Variants in FOXN3 observed in about 807,000 individuals in gnomAD.
FOXN3 encodes forkhead box protein N3.
FOXN3 carries 7 observed loss-of-function variants against 38.4 expected under a neutral mutation model. The observed-to-expected ratio is 0.18, with a 90% confidence interval of 0.10 to 0.34. The LOEUF is 0.34. FOXN3 is among the 10% of genes least tolerant of loss of function. The pLI is 1.00. For missense variants in FOXN3, 456 were observed against 613.4 expected, an observed-to-expected ratio of 0.74 and a Z score of 2.71; for synonymous variants, 230 against 242.2, an observed-to-expected ratio of 0.95 and a Z score of 0.47.
At chr14:89,404,504 C>CAAAAAAAA (rs71130075) in intron 2 of FOXN3, among the ~76,000 whole-genome samples, 6 of 61,034 alleles carry the variant, frequency 9.8e-5, no homozygotes, top group Non-Finnish European at 1.2e-4. Context: ...GACTCTGTCT[C>CAAAAAAAA]AAAAAAAAAA....
chr14:89,493,331 G>T (rs1893619281), intron 1 of FOXN3, among the ~76,000 whole-genome samples: 1 of 152,168 alleles, frequency 6.6e-6, no homozygotes, highest in African/African-American at 2.4e-5. Context: ...CGTGCACATT[G>T]AAATCCATTA....
chr14:89,514,018 C>T (rs755075150), intron 1 of FOXN3, among the ~76,000 whole-genome samples: 1 of 152,118 alleles, frequency 6.6e-6, no homozygotes, highest in Non-Finnish European at 1.5e-5. Flanking sequence ...GAAGAGACAT[C>T]GCTGTCTTTG....
chr14:89,193,674 T>C (rs1888024044), intron 4 of FOXN3, among the ~76,000 whole-genome samples: 1 of 152,364 alleles, frequency 6.6e-6, no homozygotes, highest in Non-Finnish European at 1.5e-5. Context: ...GTTTGGGATA[T>C]GATAAAAAAG....
intron 3 of FOXN3, chr14:89,291,376 A>G (rs149666009): frequency 2.7e-5 from 16 of 593,736 alleles, no homozygotes; most frequent in African/African-American, 2.4e-4. Flanking sequence ...TTTCTGCATA[A>G]GTCTCCATGT....
intron 1 of FOXN3, among the ~76,000 whole-genome samples, chr14:89,489,309 G>C (rs186299958): frequency 6.6e-6 from 1 of 152,190 alleles, no homozygotes; most frequent in Non-Finnish European, 1.5e-5. Context: ...ATACTATATA[G>C]AGGTATAGAA....
intron 1 of FOXN3, among the ~76,000 whole-genome samples, chr14:89,480,471 C>T (rs992822123): frequency 2.6e-5 from 4 of 152,108 alleles, no homozygotes; most frequent in Admixed American, 2.6e-4. Context: ...GACTTTTACA[C>T]CCTATAACCT....
intron 1 of FOXN3, among the ~76,000 whole-genome samples, chr14:89,489,100 C>T (rs1197642821): frequency 6.6e-6 from 1 of 152,078 alleles, no homozygotes; most frequent in Non-Finnish European, 1.5e-5. Context: ...TGAAATGAAG[C>T]CGGATTCAGA....
intron 4 of FOXN3, among the ~76,000 whole-genome samples, chr14:89,227,442 G>A (rs935478614): frequency 1.3e-5 from 2 of 152,150 alleles, no homozygotes; most frequent in Admixed American, 6.5e-5. Context: ...GACAAAATAA[G>A]ACTGATCAAT....
chr14:89,556,579 GGAGA>G (rs990953808), intron 1 of FOXN3, among the ~76,000 whole-genome samples: 2 of 152,028 alleles, frequency 1.3e-5, no homozygotes, highest in Non-Finnish European at 2.9e-5. Flanking sequence ...GAATGATGTG[GGAGA>G]GAGAATGAAT....
chr14:89,541,822 C>T (rs76827730), intron 1 of FOXN3, among the ~76,000 whole-genome samples: 505 of 152,238 alleles, frequency 3.3e-3, no homozygotes, highest in Non-Finnish European at 5.4e-3. Context: ...GCTGTACATC[C>T]TTGAGCAAAC....
upstream of FOXN3, among the ~76,000 whole-genome samples, chr14:89,420,885 T>TTA (rs1555352963): frequency 7.1e-6 from 1 of 140,828 alleles, no homozygotes; most frequent in Admixed American, 7.1e-5. Context: ...AGATACGAAT[T>TTA]AAAAAAAAAA....
chr14:89,354,261 C>T (rs1428078899), intron 2 of FOXN3, among the ~76,000 whole-genome samples: 1 of 150,806 alleles, frequency 6.6e-6, no homozygotes, highest in African/African-American at 2.4e-5. Flanking sequence ...GAGTCTCGCT[C>T]TTGTTGCCCA....
intron 3 of FOXN3, among the ~76,000 whole-genome samples, chr14:89,282,612 A>C (rs1479630792): frequency 6.6e-6 from 1 of 152,262 alleles, no homozygotes; most frequent in Non-Finnish European, 1.5e-5. Context: ...AGCAGGGAAC[A>C]GCAAGCTGGC....
Position 89,162,233 on chromosome 14 carries a change from G to A in FOXN3, c.*181C>T. On this transcript the variant is annotated 3_prime_UTR_variant, in exon 6 of 6. Transcript: ENST00000557258. This position sits in a 1 kb window ranked among gnomAD's most constrained non-coding sequence, Gnocchi z 7.2. ...CTCCTTTAAAAATAAAATTCTTAAG[G>A]GTCCAAAACAAAGAAGAGGGGGCAA... The A allele has an allele frequency of 2.0e-6, 1 of 495,504 alleles. No homozygotes were observed. The highest frequency in any genetic ancestry group is 3.5e-6 in the Non-Finnish European group (1 of 288,078). The allele number at this position is 495,504 out of a possible 1,614,324, so 30.7% of individuals were successfully genotyped here. A position where few individuals can be genotyped will look rare whatever the true frequency, so the allele number is the denominator to read the frequency against.
At chr14:89,408,265 G>A (rs1891444395) in intron 2 of FOXN3, among the ~76,000 whole-genome samples, 1 of 151,102 alleles carries the variant, frequency 6.6e-6, no homozygotes. Context: ...AGGGGCCCAA[G>A]AAAACGGGAA....
chr14:89,216,155 C>T (rs1884274583), intron 4 of FOXN3, among the ~76,000 whole-genome samples: 1 of 152,150 alleles, frequency 6.6e-6, no homozygotes, highest in Non-Finnish European at 1.5e-5. Flanking sequence ...TTACAGAGGA[C>T]TTCCTGTGGA....
chr14:89,560,300 G>A (rs1000526704), intron 1 of FOXN3, among the ~76,000 whole-genome samples: 5 of 152,206 alleles, frequency 3.3e-5, no homozygotes, highest in African/African-American at 1.2e-4. Flanking sequence ...ACATTTGGGT[G>A]GGGACACAGA....
chr14:89,290,500 T>G (rs1596158352), intron 3 of FOXN3: 2 of 490,396 alleles, frequency 4.1e-6, no homozygotes, highest in African/African-American at 4.0e-5. Context: ...TCCACTGGAA[T>G]GGAGTTTACT....
intron 1 of FOXN3, among the ~76,000 whole-genome samples, chr14:89,589,458 C>T (rs1407720248): frequency 1.3e-5 from 2 of 152,152 alleles, no homozygotes; most frequent in East Asian, 1.9e-4. Flanking sequence ...TGAGCCTGGT[C>T]GTGGTAGTCC....
Sources: gnomAD v4.1 joint callset for allele counts (sites outside exome capture counted in the v4.1 genomes callset) on GRCh38, gnomAD v4.1.1 for gene constraint, Gnocchi (gnomAD v3.1) non-coding constraint, MANE v1.5 for transcripts, NCBI Gene and HGNC (gene_info 2026-07-23, HGNC 2026-07-21) for gene names.